MGAT5: variants seen among roughly 807,000 people sequenced by gnomAD.
MGAT5 encodes alpha-1,6-mannosylglycoprotein 6-beta-N-acetylglucosaminyltransferase, also known as alpha-1,6-mannosylglycoprotein 6-beta-N-acetylglucosaminyltransferase A.
In MGAT5, 30 loss-of-function variants were observed where a neutral mutation model predicts 94.3. The observed-to-expected ratio is 0.32, with a 90% CI of 0.24 to 0.43. MGAT5 has a LOEUF of 0.43. Among genes scored for constraint, MGAT5 ranks in the 20% least tolerant of loss-of-function variants. The probability of loss-of-function intolerance (pLI) is 1.00; values close to 1 mark genes in which losing one functional copy is unlikely to be tolerated. For missense variants in MGAT5, 691 were observed against 905.5 expected (o/e 0.76, Z 3.04); for synonymous variants, 310 against 322.9 (o/e 0.96, Z 0.43).
intron 2 of MGAT5, among the ~76,000 whole-genome samples, chr2:134,314,868 G>A (rs1225630744): frequency 1.3e-5 from 2 of 152,088 alleles, no homozygotes; most frequent in Non-Finnish European, 2.9e-5. Flanking sequence ...GCAACAGGGG[G>A]GTCTGTGCCT....
chr2:134,373,217 G>A (rs779124602), intron 10 of MGAT5, among the ~76,000 whole-genome samples: 1 of 152,220 alleles, frequency 6.6e-6, no homozygotes, highest in Non-Finnish European at 1.5e-5. Flanking sequence ...AAGTGCAAGT[G>A]TGTGGAAGCT....
At chr2:134,135,234 G>A (rs987826368) in intron 1 of MGAT5, among the ~76,000 whole-genome samples, 1 of 152,134 alleles carries the variant, frequency 6.6e-6, no homozygotes, top group East Asian at 1.9e-4. Flanking sequence ...CTGAGCATTT[G>A]GTTCAGATAG....
intron 1 of MGAT5, among the ~76,000 whole-genome samples, chr2:134,188,938 T>C (rs1416317713): frequency 6.6e-6 from 1 of 152,100 alleles, no homozygotes; most frequent in Admixed American, 6.5e-5. Context: ...TCAACTATGG[T>C]TTTATTATAA....
chr2:134,388,302 C>A (rs1682157920), intron 10 of MGAT5, among the ~76,000 whole-genome samples: 1 of 152,142 alleles, frequency 6.6e-6, no homozygotes, highest in African/African-American at 2.4e-5. Flanking sequence ...CACCAATGAT[C>A]AACTCACAGC....
In MGAT5 at chr2:134,332,558, C is replaced by G. The variant is rs1161599455; in HGVS notation, c.574-3659C>G. ...GACTTCATGTCTAAAATACCAAAAG[C>G]AATGGCAACAAAAGCCAAAATTGAC... On this transcript the variant is annotated intron_variant, in intron 4 of 15. Coordinates refer to ENST00000281923, the MANE Select transcript of MGAT5 (RefSeq NM_002410.5). Among the ~76,000 whole-genome samples the G allele has an allele frequency of 2.0e-5, 3 of 152,232 alleles. No homozygotes were observed. The East Asian group carries it at 5.8e-4, about 29-fold the overall frequency.
chr2:134,252,621 C>T (rs550492080), upstream of MGAT5, among the ~76,000 whole-genome samples: 148 of 152,276 alleles, frequency 9.7e-4, 1 homozygote, highest in African/African-American at 3.3e-3. Context: ...GCTGCTGTTA[C>T]TGAGTTTGGG....
At chr2:134,422,966 A>G (rs766385021) in intron 13 of MGAT5, 47 bp downstream of exon 13, 1 of 1,393,506 alleles carries the variant, frequency 7.2e-7, no homozygotes, top group Non-Finnish European at 1.0e-6. Context: ...TGTGACCTGA[A>G]ATGTGTATAA....
chr2:134,322,035 G>A (rs186089438), intron 4 of MGAT5, among the ~76,000 whole-genome samples: 20 of 152,284 alleles, frequency 1.3e-4, no homozygotes, highest in Admixed American at 1.3e-3. Context: ...CCTGACATCA[G>A]CTTCTGTTTC....
intron 14 of MGAT5, among the ~76,000 whole-genome samples, chr2:134,429,366 G>A (rs1023449227): frequency 3.3e-5 from 5 of 152,192 alleles, no homozygotes; most frequent in African/African-American, 9.7e-5. Context: ...CATATACTTC[G>A]GGGTGGTGTG....
intron 2 of MGAT5, among the ~76,000 whole-genome samples, chr2:134,291,326 C>T (rs1203109534): frequency 6.6e-6 from 1 of 152,140 alleles, no homozygotes; most frequent in African/African-American, 2.4e-5. Flanking sequence ...TCTCTCTGTT[C>T]TTGTCTGTGA....
intron 1 of MGAT5, among the ~76,000 whole-genome samples, chr2:134,263,706 C>T (rs1683480145): frequency 6.6e-6 from 1 of 152,074 alleles, no homozygotes; most frequent in Non-Finnish European, 1.5e-5. Context: ...GTACTGGTGG[C>T]ACTATCTTTG....
chr2:134,151,812 T>A (rs11898907), intron 1 of MGAT5, among the ~76,000 whole-genome samples: 2 of 109,824 alleles, frequency 1.8e-5, no homozygotes, highest in East Asian at 3.0e-4. Flanking sequence ...TATGGGAGCC[T>A]CCCACTGCCA....
intron 10 of MGAT5, among the ~76,000 whole-genome samples, chr2:134,387,000 A>C (rs1682023676): frequency 6.6e-6 from 1 of 152,024 alleles, no homozygotes; most frequent in African/African-American, 2.4e-5. Flanking sequence ...GGTGGCTCAC[A>C]CATGTAATCC....
chr2:134,319,478 T>C (rs749815732), intron 4 of MGAT5, among the ~76,000 whole-genome samples: 4 of 152,038 alleles, frequency 2.6e-5, no homozygotes, highest in South Asian at 4.1e-4. Flanking sequence ...AAAAATGTTA[T>C]AAGTAAGTTA....
At chr2:134,319,673 T>C (rs903272608) in intron 4 of MGAT5, 4 of 328,608 alleles carry the variant, frequency 1.2e-5, no homozygotes, top group African/African-American at 8.9e-5. Context: ...AGGCTTTATC[T>C]TCAGGTCCTC....
At chr2:134,361,667 C>T (rs911651522) in intron 9 of MGAT5, among the ~76,000 whole-genome samples, 1 of 152,134 alleles carries the variant, frequency 6.6e-6, no homozygotes, top group African/African-American at 2.4e-5. Flanking sequence ...GTGGTTTGTG[C>T]CCCAGCAGGC....
At chr2:134,186,101 G>T (rs1689004172) in intron 1 of MGAT5, among the ~76,000 whole-genome samples, 1 of 152,224 alleles carries the variant, frequency 6.6e-6, no homozygotes, top group Non-Finnish European at 1.5e-5. Flanking sequence ...CAAGAGAGAA[G>T]ACTGATCCCA....
upstream of MGAT5, chr2:134,120,011 C>G (rs1204482828): frequency 6.6e-6 from 1 of 152,578 alleles, no homozygotes; most frequent in Non-Finnish European, 1.5e-5. Context: ...AGGACGGACT[C>G]CCGCCCTGGT....
chr2:134,400,806 C>T (rs549867011), intron 10 of MGAT5, among the ~76,000 whole-genome samples: 4 of 152,294 alleles, frequency 2.6e-5, no homozygotes, highest in East Asian at 3.9e-4. Flanking sequence ...CCACCTGCAC[C>T]GCCCATCTCC....
Sources: allele counts gnomAD v4.1 joint callset (sites outside exome capture counted in the v4.1 genomes callset), GRCh38; gene constraint gnomAD v4.1.1; transcripts MANE v1.5; gene names NCBI Gene and HGNC (gene_info 2026-07-23, HGNC 2026-07-21).